Variants in TAFA1 observed in about 807,000 individuals in gnomAD.
TAFA1 encodes chemokine-like protein TAFA-1.
In TAFA1, 4 loss-of-function variants were observed where a neutral mutation model predicts 18.5. The ratio of observed to expected loss-of-function variants is 0.22; its 90% CI spans 0.11 to 0.49. The LOEUF (loss-of-function observed/expected upper bound fraction) is 0.49. TAFA1 is among the 20% of genes least tolerant of loss of function. The probability of loss-of-function intolerance (pLI) is 0.98; values close to 1 mark genes in which losing one functional copy is unlikely to be tolerated. For missense variants in TAFA1, 147 were observed against 169.0 expected, an observed-to-expected ratio of 0.87 and a Z score of 0.72; for synonymous variants, 56 against 55.2, an observed-to-expected ratio of 1.01 and a Z score of -0.06.
intron 2 of TAFA1, among the ~76,000 whole-genome samples, chr3:68,252,499 G>C (rs778357538): frequency 1.5e-4 from 23 of 152,170 alleles, no homozygotes; most frequent in Admixed American, 3.3e-4. Flanking sequence ...GCTGGGTAGT[G>C]GCTGCCCATT....
At chr3:68,131,693 G>A (rs889852629) in intron 2 of TAFA1, among the ~76,000 whole-genome samples, 9 of 152,296 alleles carry the variant, frequency 5.9e-5, no homozygotes, top group South Asian at 2.1e-4. Flanking sequence ...AGCCATCAGC[G>A]TTCAAGGCTC....
intron 2 of TAFA1, among the ~76,000 whole-genome samples, chr3:68,317,573 A>C (rs1212985352): frequency 6.6e-6 from 1 of 152,186 alleles, no homozygotes; most frequent in Non-Finnish European, 1.5e-5. Flanking sequence ...AACTCCCTGC[A>C]GGCTAAAGTG....
chr3:68,067,431 T>C (rs1402669194), intron 2 of TAFA1, among the ~76,000 whole-genome samples: 1 of 152,130 alleles, frequency 6.6e-6, no homozygotes, highest in Non-Finnish European at 1.5e-5. Context: ...ATTAAAAGTT[T>C]AATGTCCTTT....
rs559164685 is a variant in TAFA1 at position 68,256,083 on chromosome 3, A to C, written c.119-161197A>C. 3.3e-5 allele frequency among the ~76,000 whole-genome samples: 5 copies of C among 152,250 alleles called. 1 individual carries two copies. In the South Asian group the frequency reaches 1.0e-3, roughly 32 times the overall value. On this transcript the variant is annotated intron_variant, in intron 2 of 4. Coordinates refer to ENST00000478136, the MANE Select transcript of TAFA1 (RefSeq NM_213609.4). ...CATTGAAATACTTTCCAAATATTAGATTCTAACATCAGATCAGATGGCTAC... is the reference window on the plus strand; with the variant it reads ...CATTGAAATACTTTCCAAATATTAGCTTCTAACATCAGATCAGATGGCTAC...
rs142559281 is a variant in TAFA1 at position 68,054,844 on chromosome 3, C to A, written c.118+48100C>A. ...TAACAAGTAGCTACCATTTGCCAGA[C>A]ACTATTTTAAGATCTAAGGTTATAG... On this transcript the variant is annotated intron_variant, in intron 2 of 4. Coordinates refer to ENST00000478136, the MANE Select transcript of TAFA1 (RefSeq NM_213609.4). 7.9e-5 allele frequency among the ~76,000 whole-genome samples: 12 copies of A among 152,334 alleles called. No homozygotes were observed. In the East Asian group the frequency reaches 2.1e-3, roughly 27 times the overall value.
chr3:68,151,734 C>T (rs2065808777), intron 2 of TAFA1, among the ~76,000 whole-genome samples: 1 of 152,164 alleles, frequency 6.6e-6, no homozygotes, highest in African/African-American at 2.4e-5. Context: ...ATGATGTAAT[C>T]ACCATAATCA....
chr3:68,200,311 TTGTC>T (rs2066456473), intron 2 of TAFA1, among the ~76,000 whole-genome samples: 1 of 151,670 alleles, frequency 6.6e-6, no homozygotes, highest in Non-Finnish European at 1.5e-5. Flanking sequence ...TGTAATGTCT[TTGTC>T]TGGTTTTGTA....
At chr3:68,168,074 C>T (rs749486810) in intron 2 of TAFA1, among the ~76,000 whole-genome samples, 7 of 147,206 alleles carry the variant, frequency 4.8e-5, no homozygotes, top group Non-Finnish European at 1.0e-4. Context: ...TTTTTAGGGG[C>T]CACTGATAAT....
At chr3:68,408,416 C>T (rs1430765584) in intron 2 of TAFA1, among the ~76,000 whole-genome samples, 1 of 152,116 alleles carries the variant, frequency 6.6e-6, no homozygotes, top group Non-Finnish European at 1.5e-5. Flanking sequence ...GTTGATTTCT[C>T]TAGAAGGTAT....
At chr3:68,205,213 G>A (rs1354167295) in intron 2 of TAFA1, among the ~76,000 whole-genome samples, 2 of 151,792 alleles carry the variant, frequency 1.3e-5, no homozygotes, top group African/African-American at 4.8e-5. Flanking sequence ...TCAATAACAA[G>A]GGTTTGTGCT....
chr3:68,236,712 C>G (rs922319498), intron 2 of TAFA1, among the ~76,000 whole-genome samples: 1 of 152,116 alleles, frequency 6.6e-6, no homozygotes, highest in East Asian at 1.9e-4. Flanking sequence ...TTTAATTATT[C>G]TTGAAACTAA....
At chr3:68,274,097 G>T (rs2107238049) in intron 2 of TAFA1, among the ~76,000 whole-genome samples, 1 of 152,262 alleles carries the variant, frequency 6.6e-6, no homozygotes, top group Admixed American at 6.5e-5. Flanking sequence ...GGAGTTGGCT[G>T]GCCTTGAAAT....
chr3:68,438,938 G>C (rs2071314897), intron 3 of TAFA1, among the ~76,000 whole-genome samples: 1 of 152,100 alleles, frequency 6.6e-6, no homozygotes, highest in South Asian at 2.1e-4. Context: ...CCCATGTAGA[G>C]AGTGTCAGGC....
At chr3:67,998,069 C>T in the TAFA1 span, among the ~76,000 whole-genome samples, 1 of 149,932 alleles carries the variant, frequency 6.7e-6, no homozygotes, top group East Asian at 2.0e-4. Context: ...ACAAAAAAAA[C>T]CATATATTAA....
chr3:68,083,541 C>T (rs530971677), intron 2 of TAFA1, among the ~76,000 whole-genome samples: 8 of 152,322 alleles, frequency 5.3e-5, no homozygotes, highest in African/African-American at 1.9e-4. Context: ...GTCATTCAGA[C>T]CAGCACAAGT....
intron 2 of TAFA1, among the ~76,000 whole-genome samples, chr3:68,086,925 T>C (rs1024815877): frequency 6.6e-6 from 1 of 152,232 alleles, no homozygotes. Context: ...AGCATTATTT[T>C]CCTTGCAACA....
chr3:68,074,653 A>G (rs1372690566), intron 2 of TAFA1, among the ~76,000 whole-genome samples: 4 of 152,230 alleles, frequency 2.6e-5, no homozygotes, highest in African/African-American at 4.8e-5. Flanking sequence ...TCCATTTTAC[A>G]TATTAGGAAA....
intron 2 of TAFA1, among the ~76,000 whole-genome samples, chr3:68,159,565 C>T (rs60551991): frequency 0.041 from 6,199 of 152,110 alleles, 149 homozygotes; most frequent in Middle Eastern, 0.082. Flanking sequence ...CTCCCCCCTT[C>T]CTACTTAGTT....
At chr3:68,330,094 TA>T (rs2068840550) in intron 2 of TAFA1, among the ~76,000 whole-genome samples, 1 of 152,196 alleles carries the variant, frequency 6.6e-6, no homozygotes, top group African/African-American at 2.4e-5. Context: ...CAGTACCACT[TA>T]TATATGTGTG....
Sources: gnomAD v4.1 joint callset for allele counts (sites outside exome capture counted in the v4.1 genomes callset) on GRCh38, gnomAD v4.1.1 for gene constraint, MANE v1.5 for transcripts, NCBI Gene and HGNC (gene_info 2026-07-23, HGNC 2026-07-21) for gene names.